ZSWIM6: variants seen among roughly 807,000 people sequenced by gnomAD.
ZSWIM6 encodes zinc finger SWIM domain-containing protein 6.
In ZSWIM6, 9 loss-of-function variants were observed where a neutral mutation model predicts 113.2. The observed-to-expected ratio is 0.08, with a 90% CI of 0.05 to 0.14. ZSWIM6 has a LOEUF of 0.14. Ranked by LOEUF, ZSWIM6 falls within the 10% of genes least tolerant of loss-of-function variation. The pLI, the probability that ZSWIM6 is intolerant of heterozygous loss-of-function variation, is 1.00. For synonymous variants in ZSWIM6, 611 were observed against 606.5 expected (o/e 1.01, Z -0.11); for missense variants, 1,162 against 1,552.2 (o/e 0.75, Z 4.22).
At chr5:61,360,366 C>T (rs536716918) in intron 1 of ZSWIM6, among the ~76,000 whole-genome samples, 18 of 152,254 alleles carry the variant, frequency 1.2e-4, no homozygotes, top group Middle Eastern at 3.4e-3. Context: ...CCTTGTAATG[C>T]GGAGAAGAAT....
chr5:61,448,370 C>G (rs1747010810), intron 1 of ZSWIM6, among the ~76,000 whole-genome samples: 1 of 152,158 alleles, frequency 6.6e-6, no homozygotes, highest in African/African-American at 2.4e-5. Flanking sequence ...CAAGTGAGAT[C>G]ATAAAAATCA....
At chr5:61,347,877 A>G (rs1053922638) in intron 1 of ZSWIM6, among the ~76,000 whole-genome samples, 2 of 152,184 alleles carry the variant, frequency 1.3e-5, no homozygotes, top group African/African-American at 4.8e-5. Context: ...GACCTGAAGT[A>G]TTTTTGAAAC....
At position 61,543,665 on chromosome 5, in the gene ZSWIM6, C is replaced by T. The variant is rs751381608; in HGVS notation, c.2996C>T (p.Ala999Val). 73 of 1,551,646 alleles carry T rather than the reference C, an allele frequency of 4.7e-5. No homozygotes were observed. Among genetic ancestry groups the T allele is most frequent in the African/African-American group, 5.5e-5 (4 of 73,074 alleles). The change falls in exon 14 of 14, where the codon GCG (alanine) becomes GTG (valine). Residue 999 changes from alanine (A) to valine (V), a missense_variant. Physicochemically the swap from Ala to Val is moderately conservative, Grantham distance 64. Around this residue, in one of 4 missense-constraint regions of ZSWIM6, gnomAD observed 620 missense variants for 804.6 expected, o/e 0.77. Coordinates refer to ENST00000252744, the MANE Select transcript of ZSWIM6 (RefSeq NM_020928.2). This position sits in a 1 kb window ranked among gnomAD's most constrained non-coding sequence, Gnocchi z 4.3. ...MKDPQNCALS[A>V]LTLCEKDHIA... ...GATCCACAGAACTGTGCCCTCTCTG[C>T]GCTAACCCTTTGTGAAAAGGATCAC...
At chr5:61,338,297 TAAAG>T (rs902419146) in intron 1 of ZSWIM6, among the ~76,000 whole-genome samples, 1 of 152,266 alleles carries the variant, frequency 6.6e-6, no homozygotes, top group Non-Finnish European at 1.5e-5. Flanking sequence ...GATCACTAAA[TAAAG>T]ACGATTCTGA....
At chr5:61,485,625 C>T (rs1747998063) in intron 2 of ZSWIM6, among the ~76,000 whole-genome samples, 1 of 152,170 alleles carries the variant, frequency 6.6e-6, no homozygotes, top group Non-Finnish European at 1.5e-5. Context: ...TCCACTTACT[C>T]ACCAAGTTCT....
At chr5:61,437,923 A>T (rs1746744154) in intron 1 of ZSWIM6, among the ~76,000 whole-genome samples, 1 of 151,982 alleles carries the variant, frequency 6.6e-6, no homozygotes, top group African/African-American at 2.4e-5. Context: ...TAATTTTCTT[A>T]ATTGTTTATT....
At chr5:61,352,831 GA>G (rs1744820510) in intron 1 of ZSWIM6, among the ~76,000 whole-genome samples, 1 of 152,338 alleles carries the variant, frequency 6.6e-6, no homozygotes, top group Admixed American at 6.5e-5. Flanking sequence ...AAGATTGCAA[GA>G]TGGTGGTAGG....
intron 1 of ZSWIM6, among the ~76,000 whole-genome samples, chr5:61,431,272 C>T (rs996262733): frequency 3.5e-5 from 5 of 143,728 alleles, no homozygotes; most frequent in Non-Finnish European, 6.0e-5. Context: ...ACTCAGGAGG[C>T]AGAGGCAGGG....
intron 4 of ZSWIM6, among the ~76,000 whole-genome samples, chr5:61,504,794 A>G (rs1262234743): frequency 6.6e-6 from 1 of 152,186 alleles, no homozygotes; most frequent in Non-Finnish European, 1.5e-5. Context: ...ACTTATGCGT[A>G]AATATGGATG....
In ZSWIM6 at chr5:61,367,374, G is replaced by C. The variant is rs992575761; in HGVS notation, c.676+34426G>C. 3.9e-5 allele frequency among the ~76,000 whole-genome samples: 6 copies of C among 152,132 alleles called. No individual in the cohort carries two copies. The South Asian group carries it at 1.0e-3, about 26-fold the overall frequency. The stretch of plus-strand genomic sequence containing the variant: ...GGGTTCAAGTGATCCTCCCAACTCA[G>C]CCTCCTGAGATTACAGGCATGTACC... On this transcript the variant is annotated intron_variant, in intron 1 of 13. Coordinates refer to ENST00000252744, the MANE Select transcript of ZSWIM6 (RefSeq NM_020928.2).
At chr5:61,363,874 CTCCTTCCTTCCTTCCCTCCTTCCCTCCT>C (rs1351225481) in intron 1 of ZSWIM6, among the ~76,000 whole-genome samples, 2 of 103,634 alleles carry the variant, frequency 1.9e-5, no homozygotes, top group Admixed American at 9.5e-5. Context: ...CCTTCCTTCC[CTCCTTCCTTCCTTCCCTCCTTCCCTCCT>C]TCCTTCCTTC....
intron 1 of ZSWIM6, among the ~76,000 whole-genome samples, chr5:61,393,115 C>T (rs1168918773): frequency 6.6e-6 from 1 of 152,034 alleles, no homozygotes; most frequent in African/African-American, 2.4e-5. Context: ...TCTTGGCTCA[C>T]TGCAACCTCC....
intron 1 of ZSWIM6, among the ~76,000 whole-genome samples, chr5:61,432,943 A>G (rs1746617936): frequency 6.6e-6 from 1 of 152,148 alleles, no homozygotes; most frequent in Non-Finnish European, 1.5e-5. Context: ...GCCTTGGTTT[A>G]GTACTCCATA....
intron 1 of ZSWIM6, among the ~76,000 whole-genome samples, chr5:61,381,661 C>T (rs1280298973): frequency 2.6e-5 from 4 of 152,262 alleles, no homozygotes; most frequent in African/African-American, 9.6e-5. Flanking sequence ...AGTATATTAC[C>T]TCTTTGATCA....
intron 1 of ZSWIM6, among the ~76,000 whole-genome samples, chr5:61,334,368 A>G (rs1002441545): frequency 8.5e-5 from 13 of 152,054 alleles, no homozygotes; most frequent in African/African-American, 2.4e-4. Flanking sequence ...ACCCCCTCCC[A>G]TGTTAGTGTA....
intron 1 of ZSWIM6, among the ~76,000 whole-genome samples, chr5:61,366,931 A>G (rs1745167508): frequency 6.6e-6 from 1 of 151,564 alleles, no homozygotes; most frequent in African/African-American, 2.4e-5. Flanking sequence ...CTGTCTCAAA[A>G]AAAAAAAAAA....
chr5:61,373,368 A>ATT (rs1745305688), intron 1 of ZSWIM6, among the ~76,000 whole-genome samples: 2 of 109,510 alleles, frequency 1.8e-5, no homozygotes, highest in African/African-American at 7.7e-5. Context: ...TCTACTCAGT[A>ATT]TTTCTTTTTT....
At chr5:61,518,868 C>G (rs951932887) in intron 4 of ZSWIM6, among the ~76,000 whole-genome samples, 42 of 152,038 alleles carry the variant, frequency 2.8e-4, no homozygotes, top group Admixed American at 3.3e-4. Context: ...TTGCCCATGC[C>G]TATGTCCTGA....
At chr5:61,394,762 A>G (rs1166283760) in intron 1 of ZSWIM6, among the ~76,000 whole-genome samples, 1 of 152,210 alleles carries the variant, frequency 6.6e-6, no homozygotes, top group African/African-American at 2.4e-5. Context: ...ATGGAAAGGC[A>G]TTCTAGGCAG....
Sources: gnomAD v4.1 joint callset for allele counts (sites outside exome capture counted in the v4.1 genomes callset) on GRCh38, gnomAD v4.1.1 for gene constraint, gnomAD v4.1.1 regional missense constraint, Gnocchi (gnomAD v3.1) non-coding constraint, MANE v1.5 for transcripts, NCBI Gene and HGNC (gene_info 2026-07-23, HGNC 2026-07-21) for gene names.